The following EDA variants were observed in gnomAD, a reference collection of about 807,000 sequenced individuals.
EDA encodes ectodysplasin A, also known as ectodysplasin-A.
EDA carries 2 observed loss-of-function variants against 23.6 expected under a neutral mutation model. That is an observed-to-expected ratio of 0.08 (90% CI 0.03 to 0.27). The LOEUF (loss-of-function observed/expected upper bound fraction) is 0.27, where lower values mean the gene tolerates loss of function less well. Ranked by LOEUF, EDA falls within the 10% of genes least tolerant of loss-of-function variation. EDA has a pLI of 1.00. For missense variants in EDA, 229 were observed against 324.2 expected (o/e 0.71, Z 2.26); for synonymous variants, 131 against 132.0 (o/e 0.99, Z 0.05).
At chrX:69,852,698 G>A (rs2017162668) in intron 1 of EDA, among the ~76,000 whole-genome samples, 1 of 111,205 alleles carries the variant, frequency 9.0e-6, no homozygotes, top group Non-Finnish European at 1.9e-5. Flanking sequence ...GGATGAACTA[G>A]GAAAAGAAAT....
intron 1 of EDA, among the ~76,000 whole-genome samples, chrX:69,650,515 T>C (rs1245544007): frequency 9.9e-5 from 11 of 111,428 alleles, no homozygotes; most frequent in Non-Finnish European, 7.5e-5. Context: ...GATAGCACAA[T>C]AGAGTGACTA....
At chrX:69,975,903 C>T (rs183229053) in intron 2 of EDA, among the ~76,000 whole-genome samples, 41 of 111,734 alleles carry the variant, frequency 3.7e-4, no homozygotes, top group African/African-American at 1.0e-3. Flanking sequence ...TTTTAAATTA[C>T]CTATGTGGCT....
At chrX:69,727,202 T>G (rs2012840758) in intron 1 of EDA, among the ~76,000 whole-genome samples, 1 of 111,820 alleles carries the variant, frequency 8.9e-6, no homozygotes, top group African/African-American at 3.3e-5. Context: ...TTCTCTTTTC[T>G]CCTTCTCTGC....
intron 1 of EDA, among the ~76,000 whole-genome samples, chrX:69,697,526 A>C (rs1196076543): frequency 8.9e-6 from 1 of 111,826 alleles, no homozygotes; most frequent in Admixed American, 9.5e-5. Context: ...AAACAAAGAA[A>C]AACTTAATTT....
chrX:69,912,823 T>C (rs1404362177), intron 1 of EDA, among the ~76,000 whole-genome samples: 1 of 104,562 alleles, frequency 9.6e-6, no homozygotes, highest in East Asian at 3.0e-4. Context: ...GGCTGGAGTA[T>C]AGTGGCATTA....
intron 1 of EDA, among the ~76,000 whole-genome samples, chrX:69,748,325 T>C (rs1246054822): frequency 9.0e-6 from 1 of 111,255 alleles, no homozygotes; most frequent in African/African-American, 3.3e-5. Context: ...AACCACACTC[T>C]TCTATTTATA....
chrX:69,690,711 T>G (rs907101510), intron 1 of EDA, among the ~76,000 whole-genome samples: 2 of 111,904 alleles, frequency 1.8e-5, no homozygotes, highest in African/African-American at 6.5e-5. Flanking sequence ...GGATGGGTAT[T>G]AATTGTTCTT....
At chrX:69,677,519 T>C (rs866252351) in intron 1 of EDA, among the ~76,000 whole-genome samples, 29 of 111,628 alleles carry the variant, frequency 2.6e-4, no homozygotes, top group African/African-American at 9.5e-4. Flanking sequence ...ATGATCGCCA[T>C]TCTAACTGGT....
chrX:69,830,558 T>C (rs927046927), intron 1 of EDA, among the ~76,000 whole-genome samples: 18 of 111,618 alleles, frequency 1.6e-4, no homozygotes, highest in African/African-American at 5.9e-4. Context: ...CCACATGAGA[T>C]TTCCTTTGAA....
At chrX:69,821,835 AT>A (rs773650141) in intron 1 of EDA, among the ~76,000 whole-genome samples, 4 of 112,179 alleles carry the variant, frequency 3.6e-5, no homozygotes, top group South Asian at 3.7e-4. Context: ...GTAACATAAA[AT>A]TTACCATCTT....
At chrX:69,682,765 C>A (rs1408634748) in intron 1 of EDA, among the ~76,000 whole-genome samples, 1 of 111,284 alleles carries the variant, frequency 9.0e-6, no homozygotes, top group African/African-American at 3.3e-5. Flanking sequence ...GATGGAAACG[C>A]AGAAATCACC....
intron 1 of EDA, among the ~76,000 whole-genome samples, chrX:69,742,725 T>G (rs1283056596): frequency 9.0e-6 from 1 of 111,084 alleles, no homozygotes; most frequent in Non-Finnish European, 1.9e-5. Context: ...CAGCCAATAC[T>G]CACCATGCTC....
chrX:69,738,235 C>T (rs2013333872), intron 1 of EDA, among the ~76,000 whole-genome samples: 1 of 110,129 alleles, frequency 9.1e-6, no homozygotes, highest in Admixed American at 9.8e-5. Flanking sequence ...TTTTCAATGG[C>T]TTCTGTTGCT....
At chrX:70,023,102 G>T in intron 2 of EDA, 116 bp from the exon 3 acceptor site, 2 of 428,978 alleles carry the variant, frequency 4.7e-6, no homozygotes, top group Non-Finnish European at 8.0e-6. Flanking sequence ...ACCCTTGGCT[G>T]TGAGACTCCC....
intron 2 of EDA, among the ~76,000 whole-genome samples, chrX:69,996,695 G>A (rs2019661513): frequency 8.9e-6 from 1 of 111,739 alleles, no homozygotes; most frequent in African/African-American, 3.3e-5. Flanking sequence ...CCACCATAAA[G>A]CCTGATACAG....
intron 5 of EDA, 81 bp from the exon 6 acceptor site, chrX:70,030,388 C>A: frequency 1.1e-6 from 1 of 894,533 alleles, no homozygotes; most frequent in Non-Finnish European, 1.6e-6. Flanking sequence ...GACTAGAAAC[C>A]AGGATGGAAA....
intron 1 of EDA, among the ~76,000 whole-genome samples, chrX:69,934,755 T>A (rs1200429605): frequency 8.9e-6 from 1 of 111,819 alleles, no homozygotes; most frequent in South Asian, 3.7e-4. Flanking sequence ...CAAGCATGTA[T>A]CCCTTCTTTG....
intron 1 of EDA, among the ~76,000 whole-genome samples, chrX:69,954,740 C>T (rs1208181935): frequency 1.8e-5 from 2 of 111,230 alleles, no homozygotes; most frequent in African/African-American, 6.5e-5. Context: ...GTATCCTGGG[C>T]GTTTGTTATA....
At chrX:70,026,149 G>A (rs2020103920) in intron 3 of EDA, among the ~76,000 whole-genome samples, 1 of 112,323 alleles carries the variant, frequency 8.9e-6, no homozygotes, top group Admixed American at 9.4e-5. Flanking sequence ...CTCAGGTGAA[G>A]ACATTGTGAT....
Sources: gnomAD v4.1 joint callset for allele counts (sites outside exome capture counted in the v4.1 genomes callset) on GRCh38, gnomAD v4.1.1 for gene constraint, MANE v1.5 for transcripts, NCBI Gene and HGNC (gene_info 2026-07-23, HGNC 2026-07-21) for gene names.